The following DNMT3B variants were observed in gnomAD, a reference collection of about 807,000 sequenced individuals.
DNMT3B encodes DNA methyltransferase 3 beta.
Under a neutral mutation model 120.2 loss-of-function variants are expected in DNMT3B, and 37 were observed. The ratio of observed to expected loss-of-function variants is 0.31; its 90% CI spans 0.24 to 0.40. The LOEUF (loss-of-function observed/expected upper bound fraction) is 0.40. Ranked by LOEUF, DNMT3B falls within the 10% of genes least tolerant of loss-of-function variation. The pLI is 1.00. For synonymous variants in DNMT3B, 412 were observed against 442.8 expected (o/e 0.93, Z 0.87); for missense variants, 878 against 1,137.3 (o/e 0.77, Z 3.28).
chr20:32,771,182 A>G (rs1987715122), intron 1 of DNMT3B, among the ~76,000 whole-genome samples: 1 of 152,200 alleles, frequency 6.6e-6, no homozygotes, highest in African/African-American at 2.4e-5. Flanking sequence ...CCATGTTGAA[A>G]CAACTAAAAA....
Position 32,787,350 on chromosome 20 carries a change from A to T in DNMT3B, c.553A>T (p.Ser185Cys). The T allele has an allele frequency of 6.2e-7, 1 of 1,614,234 alleles. No individual in the cohort carries two copies. Among genetic ancestry groups the T allele is most frequent in the Admixed American group, 1.7e-5 (1 of 60,024 alleles). The stretch of plus-strand genomic sequence containing the variant: ...CACACATGGGACGCCCCAGAGCAGC[A>T]GTACCCCCTACGCCCGCCTAGCCCA... ...EDTHGTPQSS[S>C]TPYARLAQDS... Residue 185 changes from serine to cysteine, a missense_variant, in exon 6 of 23, where the codon AGT becomes TGT. By Grantham distance (112) the Ser-to-Cys change is moderately radical. This residue lies in a region of DNMT3B where 287 missense variants were observed against 306.2 expected (regional missense o/e 0.94). Transcript: ENST00000328111.
At position 32,795,631 on chromosome 20, in the gene DNMT3B, C is replaced by T. The variant is rs759058465; in HGVS notation, c.1253-19C>T. On this transcript the variant is annotated intron_variant, in intron 11 of 22. Transcript: ENST00000328111. ...CCGGCTCCCTGACCTCATCTCATGC[C>T]TTCTTCTTTTCTCAATAGAACAAAT... is the stretch of plus-strand genomic sequence containing the variant. 6.2e-6 allele frequency: 10 copies of T among 1,614,162 alleles called. No homozygotes were observed. Among genetic ancestry groups the T allele is most frequent in the Non-Finnish European group, 8.5e-6 (10 of 1,180,024 alleles).
chr20:32,785,936 T>G (rs1291378041), intron 4 of DNMT3B, among the ~76,000 whole-genome samples: 2 of 151,914 alleles, frequency 1.3e-5, no homozygotes, highest in African/African-American at 4.8e-5. Context: ...CAGGCTGGAG[T>G]GCAGTGACGT....
At chr20:32,787,087 A>C in intron 5 of DNMT3B, 143 bp from the exon 6 acceptor site, 1 of 965,714 alleles carries the variant, frequency 1.0e-6, no homozygotes, top group South Asian at 1.3e-5. Context: ...GTGTTCCTGG[A>C]AAAGTTTCTT....
intron 1 of DNMT3B, among the ~76,000 whole-genome samples, chr20:32,770,968 C>A (rs1011753416): frequency 1.3e-5 from 2 of 152,074 alleles, no homozygotes; most frequent in African/African-American, 4.8e-5. Flanking sequence ...TGATCTTGAA[C>A]TCCTGGGCTC....
intron 19 of DNMT3B, 44 bp from the exon 20 acceptor site, chr20:32,802,341 C>T (rs776875117): frequency 1.2e-6 from 2 of 1,601,652 alleles, no homozygotes; most frequent in Non-Finnish European, 1.7e-6. Flanking sequence ...GACACTGAAA[C>T]TCTAATAATA....
At position 32,798,615 on chromosome 20, in the gene DNMT3B, T is replaced by C; in HGVS notation, c.1646T>C (p.Phe549Ser). The change falls in exon 15 of 23, where the codon TTC becomes TCC. Residue 549 changes from phenylalanine (F) to serine (S), a missense_variant. Physicochemically the swap from Phe to Ser is radical, Grantham distance 155. Transcript: ENST00000328111. ...GACTGGAACGTGCGCCTGCAGGCCT[T>C]CTTCACCAGTGACACGGGGCTTGAA... Reference protein sequence around the residue: ...RKDWNVRLQAFFTSDTGLEYE... With the variant: ...RKDWNVRLQASFTSDTGLEYE... The C allele has an allele frequency of 6.2e-7, 1 of 1,614,106 alleles. No homozygotes were observed. The highest frequency in any genetic ancestry group is 8.5e-7 in the Non-Finnish European group (1 of 1,180,038).
In DNMT3B at chr20:32,792,773, G is replaced by A. The variant is rs1317001110; in HGVS notation, c.1066+3G>A. On this transcript the variant is annotated splice_donor_region_variant and intron_variant, in intron 9 of 22. Coordinates refer to ENST00000328111, the MANE Select transcript of DNMT3B (RefSeq NM_006892.4). ...CAAACCCAACAACACGCAACCAGGT[G>A]GGAATGAGTCCCCATGGCAGCACCC... The A allele has an allele frequency of 1.2e-6, 2 of 1,613,982 alleles. No individual in the cohort carries two copies. Among genetic ancestry groups the A allele is most frequent in the Non-Finnish European group, 1.7e-6 (2 of 1,179,938 alleles).
rs1979299568 is a variant in DNMT3B at position 32,786,490 on chromosome 20, T to C, written c.307-12T>C. 1.2e-6 allele frequency: 2 copies of C among 1,614,022 alleles called. No homozygotes were observed. The highest frequency in any genetic ancestry group is 1.7e-6 in the Non-Finnish European group (2 of 1,180,012). On this transcript the variant is annotated splice_polypyrimidine_tract_variant and intron_variant, in intron 4 of 22. Coordinates refer to ENST00000328111, the MANE Select transcript of DNMT3B (RefSeq NM_006892.4). The stretch of plus-strand genomic sequence containing the variant: ...CACCTAAGGCCCAGTGAGTGTCCTC[T>C]CTTGCTTCTAGGTCCGAACTCGAAA...
intron 14 of DNMT3B, 38 bp downstream of exon 14, chr20:32,797,337 C>A: frequency 6.3e-7 from 1 of 1,593,036 alleles, no homozygotes; most frequent in Non-Finnish European, 8.6e-7. Flanking sequence ...GTGGGTGGGC[C>A]CCCAAGGCTC....
At chr20:32,797,395 G>A (rs1980769746) in intron 14 of DNMT3B, 96 bp downstream of exon 14, 1 of 1,245,522 alleles carries the variant, frequency 8.0e-7, no homozygotes, top group South Asian at 1.3e-5. Flanking sequence ...TGGAATCCTA[G>A]GCATGGGAAT....
chr20:32,770,895 A>C (rs1601050391), intron 1 of DNMT3B, among the ~76,000 whole-genome samples: 1 of 150,772 alleles, frequency 6.6e-6, no homozygotes. Context: ...TACAGGCATG[A>C]GCCACCATGC....
At chr20:32,770,725 G>A (rs1453459959) in intron 1 of DNMT3B, among the ~76,000 whole-genome samples, 6 of 151,398 alleles carry the variant, frequency 4.0e-5, no homozygotes, top group Non-Finnish European at 5.9e-5. Flanking sequence ...TGATTCTCTT[G>A]CCTCAGCCTC....
In DNMT3B at chr20:32,808,012, T is replaced by G. The variant is rs1395909561; in HGVS notation, c.*109T>G. On this transcript the variant is annotated 3_prime_UTR_variant, in exon 23 of 23. Transcript: ENST00000328111. ...TGCTCTTCCTCAGCTGTGTGGGTCATACCGTGTACCTCAGTTCCCTCTTGC... is the reference window on the plus strand; with the variant it reads ...TGCTCTTCCTCAGCTGTGTGGGTCAGACCGTGTACCTCAGTTCCCTCTTGC... 1.9e-6 allele frequency: 3 copies of G among 1,581,590 alleles called. No individual in the cohort carries two copies. The highest frequency in any genetic ancestry group is 2.2e-5 in the South Asian group (2 of 89,008).
At chr20:32,798,250 G>A (rs551631170) in intron 14 of DNMT3B, among the ~76,000 whole-genome samples, 12 of 152,332 alleles carry the variant, frequency 7.9e-5, no homozygotes, top group African/African-American at 2.6e-4. Context: ...TTTCTGATCA[G>A]AGAGCCTGTG....
intron 20 of DNMT3B, among the ~76,000 whole-genome samples, chr20:32,804,077 G>A (rs1981684852): frequency 6.6e-6 from 1 of 152,282 alleles, no homozygotes; most frequent in South Asian, 2.1e-4. Flanking sequence ...CAGCAATCCT[G>A]TGACTTAGCA....
chr20:32,791,568 T>C, intron 7 of DNMT3B, 33 bp from the exon 8 acceptor site: 1 of 1,606,678 alleles, frequency 6.2e-7, no homozygotes, highest in Non-Finnish European at 8.5e-7. Context: ...GACACACCTG[T>C]AGGTGGATGT....
rs913844677 is a variant in DNMT3B at position 32,799,877 on chromosome 20, A to G, written c.1760-276A>G. On this transcript the variant is annotated intron_variant, in intron 16 of 22. Coordinates refer to ENST00000328111, the MANE Select transcript of DNMT3B (RefSeq NM_006892.4). Reference sequence around the variant, plus strand: ...CTGTTACACTTTATTTTTTATGTGCAGTTATCTTGAACTTGATTTTCATTC... The same window carrying G: ...CTGTTACACTTTATTTTTTATGTGCGGTTATCTTGAACTTGATTTTCATTC... 6.6e-5 allele frequency among the ~76,000 whole-genome samples: 10 copies of G among 152,230 alleles called. 1 individual carries two copies. The highest frequency in any genetic ancestry group is 2.6e-4 in the Admixed American group (4 of 15,280).
At chr20:32,797,816 C>T (rs964557515) in intron 14 of DNMT3B, among the ~76,000 whole-genome samples, 3 of 152,102 alleles carry the variant, frequency 2.0e-5, no homozygotes, top group Non-Finnish European at 2.9e-5. Flanking sequence ...CGGAGCACCA[C>T]GCCCAGATAA....
Sources: gnomAD v4.1 joint callset for allele counts (sites outside exome capture counted in the v4.1 genomes callset) on GRCh38, gnomAD v4.1.1 for gene constraint, gnomAD v4.1.1 regional missense constraint, MANE v1.5 for transcripts, NCBI Gene and HGNC (gene_info 2026-07-23, HGNC 2026-07-21) for gene names.